The following STK24 variants were observed in gnomAD, a reference collection of about 807,000 sequenced individuals.
STK24 encodes serine/threonine-protein kinase 24.
Under a neutral mutation model 55.6 loss-of-function variants are expected in STK24, and 21 were observed. The ratio of observed to expected loss-of-function variants is 0.38; its 90% CI spans 0.27 to 0.54. The LOEUF (loss-of-function observed/expected upper bound fraction) is 0.54, where lower values mean the gene tolerates loss of function less well. STK24 is among the 20% of genes least tolerant of loss of function. STK24 has a pLI of 0.79. For missense variants in STK24, 383 were observed against 538.4 expected, an observed-to-expected ratio of 0.71 and a Z score of 2.86; for synonymous variants, 200 against 215.2, an observed-to-expected ratio of 0.93 and a Z score of 0.62.
chr13:98,564,860 CGA>C (rs1897524753), intron 1 of STK24, among the ~76,000 whole-genome samples: 1 of 152,114 alleles, frequency 6.6e-6, no homozygotes, highest in African/African-American at 2.4e-5. Context: ...GGCAACATAG[CGA>C]GATTCCCATT....
intron 1 of STK24, among the ~76,000 whole-genome samples, chr13:98,561,914 T>G (rs1594671732): frequency 7.1e-6 from 1 of 141,208 alleles, no homozygotes; most frequent in South Asian, 2.3e-4. Context: ...GAGGTGGAGG[T>G]TGCAGTGAGC....
In STK24 at chr13:98,466,418, G is replaced by C; in HGVS notation, c.741C>G (p.Leu247=). ...PTLEGNYSKP[L]KEFVEACLNK... Reference sequence around the variant, plus strand: ...TCAAACAGGCCTCCACAAACTCCTTGAGGGGTTTACTGTAGTTTCCTTCCA... The same window carrying C: ...TCAAACAGGCCTCCACAAACTCCTTCAGGGGTTTACTGTAGTTTCCTTCCA... The change falls in exon 6 of 11, where the codon CTC becomes CTG. Residue 247 remains leucine (L), a synonymous_variant. Transcript: ENST00000539966. The C allele has an allele frequency of 6.2e-7, 1 of 1,613,216 alleles. No individual in the cohort carries two copies. The highest frequency in any genetic ancestry group is 8.5e-7 in the Non-Finnish European group (1 of 1,180,028).
intron 2 of STK24, among the ~76,000 whole-genome samples, chr13:98,498,847 G>A (rs1300869124): frequency 6.6e-6 from 1 of 152,236 alleles, no homozygotes; most frequent in African/African-American, 2.4e-5. Flanking sequence ...GACAGAGCCA[G>A]GCTGAGGCAT....
At chr13:98,480,069 TA>T (rs1894528773) in intron 3 of STK24, among the ~76,000 whole-genome samples, 1 of 152,120 alleles carries the variant, frequency 6.6e-6, no homozygotes, top group Admixed American at 6.5e-5. Flanking sequence ...ATGAGACGAT[TA>T]GGGGCATTCA....
In STK24 at chr13:98,447,819, T is replaced by C. The variant is rs576180788; in HGVS notation, c.*5354A>G. 1 of 177,636 alleles carries C rather than the reference T, an allele frequency of 5.6e-6. No individual in the cohort carries two copies. Among genetic ancestry groups the C allele is most frequent in the African/African-American group, 2.4e-5 (1 of 41,342 alleles). The allele number at this position is 177,636 out of a possible 1,614,324, so 11.0% of individuals were successfully genotyped here. The stretch of plus-strand genomic sequence containing the variant: ...ATAACTGCACCACTGAACTCCAGTA[T>C]GAGTGACAGAGCCAGACCCTGTCTC... On this transcript the variant is annotated 3_prime_UTR_variant, in exon 11 of 11. Coordinates refer to ENST00000539966, the MANE Select transcript of STK24 (RefSeq NM_001032296.4).
intron 7 of STK24, among the ~76,000 whole-genome samples, chr13:98,462,621 A>G (rs4772086): frequency 0.82 from 125,193 of 151,882 alleles, 52,065 homozygotes; most frequent in Non-Finnish European, 0.88. Flanking sequence ...CACATGCCCC[A>G]ACTGACACCC....
intron 1 of STK24, chr13:98,576,019 G>A (rs1460719290): frequency 2.0e-6 from 2 of 985,162 alleles, no homozygotes; most frequent in Non-Finnish European, 2.4e-6. Flanking sequence ...ACTGGGCGAA[G>A]AATTCCTGTA....
At chr13:98,528,077 T>C (rs1389463263) in intron 1 of STK24, among the ~76,000 whole-genome samples, 1 of 151,988 alleles carries the variant, frequency 6.6e-6, no homozygotes, top group East Asian at 1.9e-4. Context: ...GGCTGACCCC[T>C]GGGTTCCCAC....
chr13:98,529,012 C>T (rs1472706534), intron 1 of STK24, among the ~76,000 whole-genome samples: 1 of 152,116 alleles, frequency 6.6e-6, no homozygotes, highest in African/African-American at 2.4e-5. Flanking sequence ...AGAGCTGAAC[C>T]GAGCCTCAGA....
At chr13:98,485,701 C>T (rs1894778568) in intron 2 of STK24, among the ~76,000 whole-genome samples, 1 of 152,238 alleles carries the variant, frequency 6.6e-6, no homozygotes, top group Non-Finnish European at 1.5e-5. Flanking sequence ...TGAACAAGGA[C>T]AGCTTGGAGG....
chr13:98,526,229 T>C (rs974618727), intron 1 of STK24, among the ~76,000 whole-genome samples: 1 of 152,228 alleles, frequency 6.6e-6, no homozygotes, highest in Non-Finnish European at 1.5e-5. Flanking sequence ...TGTCAAGCTG[T>C]ATGTATAATT....
In STK24 at chr13:98,546,910, T is replaced by C. The variant is rs975466256; in HGVS notation, c.43-27437A>G. ...TCCATATCTAATTGTTGTTTTTTTTTGTTTGTTTGTTTGTTTTTGAGATGG... is the reference window on the plus strand; with the variant it reads ...TCCATATCTAATTGTTGTTTTTTTTCGTTTGTTTGTTTGTTTTTGAGATGG... On this transcript the variant is annotated intron_variant, in intron 1 of 10. Transcript: ENST00000539966. Among the ~76,000 whole-genome samples, 6 of 151,904 alleles carry C rather than the reference T, an allele frequency of 3.9e-5. No individual in the cohort carries two copies. The South Asian group carries it at 8.3e-4, about 21-fold the overall frequency.
At chr13:98,516,515 A>G (rs999290605) in intron 2 of STK24, among the ~76,000 whole-genome samples, 10 of 152,162 alleles carry the variant, frequency 6.6e-5, no homozygotes, top group Non-Finnish European at 1.3e-4. Flanking sequence ...ACACTATTCA[A>G]TGACATTTCT....
intron 2 of STK24, among the ~76,000 whole-genome samples, chr13:98,494,526 A>C (rs570170743): frequency 2.0e-5 from 3 of 151,934 alleles, no homozygotes; most frequent in Admixed American, 1.3e-4. Flanking sequence ...ATTCATATTT[A>C]TATTTCCACT....
Position 98,474,703 on chromosome 13 carries a change from T to C in STK24, c.597+118A>G, listed in dbSNP as rs749701289. 1.5e-5 allele frequency: 19 copies of C among 1,290,234 alleles called. No individual in the cohort carries two copies. The Admixed American group carries it at 4.2e-4, about 29-fold the overall frequency. 79.9% of individuals were successfully genotyped at this position (1,290,234 alleles called of 1,614,324 possible). A position where few individuals can be genotyped will look rare whatever the true frequency, so the allele number is the denominator to read the frequency against. On this transcript the variant is annotated intron_variant, in intron 5 of 10. Transcript: ENST00000539966. ...AACCAAGGTTGAAGAATTACCTTTA[T>C]GACCTACCTCAAGGTACCAGCTTCG...
chr13:98,527,695 G>C (rs1167333584), intron 1 of STK24, among the ~76,000 whole-genome samples: 3 of 152,202 alleles, frequency 2.0e-5, no homozygotes, highest in Admixed American at 2.0e-4. Context: ...TGGATGCAGA[G>C]GACACGGGAC....
intron 1 of STK24, among the ~76,000 whole-genome samples, chr13:98,524,141 CAT>C (rs1043052611): frequency 2.1e-4 from 32 of 152,134 alleles, no homozygotes; most frequent in African/African-American, 7.7e-4. Context: ...GCATCTCTTG[CAT>C]GTGTGAGGGG....
At chr13:98,462,972 G>A (rs1893776018) in intron 7 of STK24, among the ~76,000 whole-genome samples, 1 of 152,094 alleles carries the variant, frequency 6.6e-6, no homozygotes, top group South Asian at 2.1e-4. Context: ...AAGAACTTCC[G>A]GGGGCAGTGG....
intron 4 of STK24, 60 bp from the exon 5 acceptor site, chr13:98,475,038 A>G: frequency 6.5e-7 from 1 of 1,537,236 alleles, no homozygotes; most frequent in South Asian, 1.3e-5. Context: ...GTGCACTGCC[A>G]CAAGCGCGTC....
Sources: gnomAD v4.1 joint callset for allele counts (sites outside exome capture counted in the v4.1 genomes callset) on GRCh38, gnomAD v4.1.1 for gene constraint, MANE v1.5 for transcripts, NCBI Gene and HGNC (gene_info 2026-07-23, HGNC 2026-07-21) for gene names.